Variants in FBLIM1 observed in about 807,000 individuals in gnomAD.
The protein encoded by FBLIM1 is filamin-binding LIM protein 1.
Under a neutral mutation model 37.4 loss-of-function variants are expected in FBLIM1, and 29 were observed. That is an observed-to-expected ratio of 0.77 (90% confidence interval 0.58 to 1.06). The LOEUF is 1.06. Ranked by LOEUF, FBLIM1 falls within the 50% of genes least tolerant of loss-of-function variation. The pLI, the probability that FBLIM1 is intolerant of heterozygous loss-of-function variation, is 0.00. For synonymous variants in FBLIM1, 193 were observed against 199.0 expected (o/e 0.97, Z 0.25); for missense variants, 449 against 505.6 (o/e 0.89, Z 1.07).
intron 6 of FBLIM1, among the ~76,000 whole-genome samples, chr1:15,771,487 T>G (rs2069209144): frequency 6.6e-6 from 1 of 151,514 alleles, no homozygotes; most frequent in South Asian, 2.1e-4. Context: ...CCTCAAGGAA[T>G]CCACCCCCTC....
chr1:15,784,599 C>A lies in FBLIM1; in HGVS notation c.1060C>A (p.Leu354Met), dbSNP rs1177140154. ...VEPTDQGCYP[L>M]NNHLFCKPCH... ...GCCCACGGACCAAGGCTGCTACCCCCTGAACAACCATCTCTTCTGCAAGCC... is the reference window on the plus strand; with the variant it reads ...GCCCACGGACCAAGGCTGCTACCCCATGAACAACCATCTCTTCTGCAAGCC... Residue 354 changes from leucine to methionine, a missense_variant, in exon 9 of 9, where the codon CTG becomes ATG. Coordinates refer to ENST00000375766, the MANE Select transcript of FBLIM1 (RefSeq NM_017556.4). The A allele has an allele frequency of 1.2e-6, 2 of 1,614,170 alleles. No individual in the cohort carries two copies. Among genetic ancestry groups the A allele is most frequent in the South Asian group, 2.2e-5 (2 of 91,086 alleles).
At chr1:15,775,490 G>A (rs556753891) in intron 7 of FBLIM1, among the ~76,000 whole-genome samples, 3 of 147,812 alleles carry the variant, frequency 2.0e-5, no homozygotes, top group Non-Finnish European at 3.0e-5. Flanking sequence ...AGCCGAGATC[G>A]CACCACTGCA....
At chr1:15,771,539 C>T (rs2069213233) in intron 6 of FBLIM1, among the ~76,000 whole-genome samples, 1 of 152,114 alleles carries the variant, frequency 6.6e-6, no homozygotes, top group African/African-American at 2.4e-5. Flanking sequence ...AGCCACCGCA[C>T]CTGGCCCCTT....
At chr1:15,763,893 C>T (rs1391143202) in intron 1 of FBLIM1, among the ~76,000 whole-genome samples, 1 of 152,104 alleles carries the variant, frequency 6.6e-6, no homozygotes, top group African/African-American at 2.4e-5. Flanking sequence ...CCTGCCTCGG[C>T]CTCCCAAAAT....
intron 7 of FBLIM1, among the ~76,000 whole-genome samples, chr1:15,775,654 C>T (rs2069463484): frequency 6.6e-6 from 1 of 152,116 alleles, no homozygotes; most frequent in African/African-American, 2.4e-5. Context: ...CCAAGTGTGC[C>T]ACCCTCCAGG....
intron 1 of FBLIM1, among the ~76,000 whole-genome samples, chr1:15,761,197 C>T (rs577137736): frequency 1.6e-4 from 24 of 152,170 alleles, no homozygotes; most frequent in Non-Finnish European, 2.9e-4. Context: ...ACATGCCGAC[C>T]ACAAGATTTC....
intron 7 of FBLIM1, 128 bp from the exon 8 acceptor site, chr1:15,777,042 G>T (rs2069514304): frequency 5.7e-6 from 4 of 697,124 alleles, no homozygotes; most frequent in Non-Finnish European, 1.0e-5. Flanking sequence ...AGACATCTCT[G>T]CAGTCCCATA....
At chr1:15,773,629 A>C (rs1198289711) in intron 6 of FBLIM1, among the ~76,000 whole-genome samples, 1 of 151,150 alleles carries the variant, frequency 6.6e-6, no homozygotes, top group East Asian at 2.0e-4. Flanking sequence ...TGGTGAGCCA[A>C]GATTGCGCCA....
At position 15,785,712 on chromosome 1, in the gene FBLIM1, T is replaced by C. The variant is rs2069753352; in HGVS notation, c.*1051T>C. 6.6e-6 allele frequency: 1 copy of C among 152,132 alleles called. No individual in the cohort carries two copies. The highest frequency in any genetic ancestry group is 2.4e-5 in the African/African-American group (1 of 41,424). 9.4% of individuals were successfully genotyped at this position (152,132 alleles called of 1,614,324 possible). ...CATTCTTTGGATTTAGTGGGGAGCA[T>C]AATAGCAAACACCCCCTTGGTTCGC... On this transcript the variant is annotated 3_prime_UTR_variant, in exon 9 of 9. Coordinates refer to ENST00000375766, the MANE Select transcript of FBLIM1 (RefSeq NM_017556.4).
At chr1:15,784,437 A>G in intron 8 of FBLIM1, 111 bp from the exon 9 acceptor site, 1 of 785,198 alleles carries the variant, frequency 1.3e-6, no homozygotes, top group Admixed American at 2.3e-5. Flanking sequence ...CCACTTAGGA[A>G]GGGCATCCAC....
intron 8 of FBLIM1, among the ~76,000 whole-genome samples, chr1:15,781,098 G>T (rs1343932965): frequency 6.6e-6 from 1 of 152,126 alleles, no homozygotes; most frequent in African/African-American, 2.4e-5. Flanking sequence ...GCCAGGCATG[G>T]TGGCTCATGC....
chr1:15,768,681 T>C (rs2069050736), intron 5 of FBLIM1, 51 bp downstream of exon 5: 2 of 1,465,058 alleles, frequency 1.4e-6, no homozygotes, highest in Non-Finnish European at 1.8e-6. Context: ...GGGGCCAGCA[T>C]GGGCTTCCAG....
chr1:15,774,319 C>T (rs745449660), intron 6 of FBLIM1, among the ~76,000 whole-genome samples: 9 of 152,152 alleles, frequency 5.9e-5, no homozygotes, highest in Non-Finnish European at 1.2e-4. Context: ...GAGGTTTAAG[C>T]GAGGTTTCTC....
At chr1:15,776,995 A>G (rs1450141213) in intron 7 of FBLIM1, 175 bp from the exon 8 acceptor site, 2 of 621,592 alleles carry the variant, frequency 3.2e-6, no homozygotes, top group East Asian at 5.2e-5. Flanking sequence ...AGGTCTCATT[A>G]CACAGGTCTC....
chr1:15,777,360 T>C (rs1453420192), intron 8 of FBLIM1, 73 bp downstream of exon 8: 2 of 1,096,060 alleles, frequency 1.8e-6, no homozygotes, highest in African/African-American at 1.5e-5. Context: ...TGCTTGGACA[T>C]GGGGACAGGT....
intron 1 of FBLIM1, among the ~76,000 whole-genome samples, chr1:15,759,147 C>T (rs2068542923): frequency 6.6e-6 from 1 of 152,108 alleles, no homozygotes; most frequent in South Asian, 2.1e-4. Flanking sequence ...GCGCGCAGGG[C>T]GGAAGCTCCC....
chr1:15,784,791 C>T lies in FBLIM1; in HGVS notation c.*130C>T, dbSNP rs1306239243. 1 of 733,218 alleles carries T rather than the reference C, an allele frequency of 1.4e-6. No homozygotes were observed. Among genetic ancestry groups the T allele is most frequent in the African/African-American group, 1.7e-5 (1 of 57,946 alleles). 45.4% of individuals were successfully genotyped at this position (733,218 alleles called of 1,614,324 possible). On this transcript the variant is annotated 3_prime_UTR_variant, in exon 9 of 9. Transcript: ENST00000375766. ...CATGGAGACCAGCCTGCAAGCCGGC[C>T]CAGCCTGTCCAGGATACAGTGGGGC...
intron 8 of FBLIM1, among the ~76,000 whole-genome samples, chr1:15,782,810 C>CTTTT (rs36050598): frequency 7.5e-6 from 1 of 132,600 alleles, no homozygotes. Context: ...TATAGGGACT[C>CTTTT]TTTTTTTTTT....
intron 1 of FBLIM1, among the ~76,000 whole-genome samples, chr1:15,760,254 G>T (rs1331994795): frequency 6.6e-6 from 1 of 151,676 alleles, no homozygotes; most frequent in Admixed American, 6.6e-5. Context: ...CTTAAGCCGG[G>T]TGTAGTGGCT....
Sources: allele counts gnomAD v4.1 joint callset (sites outside exome capture counted in the v4.1 genomes callset), GRCh38; gene constraint gnomAD v4.1.1; transcripts MANE v1.5; gene names NCBI Gene and HGNC (gene_info 2026-07-23, HGNC 2026-07-21).